PTPRT: variants seen among roughly 807,000 people sequenced by gnomAD.
PTPRT encodes receptor-type tyrosine-protein phosphatase T.
PTPRT carries 56 observed loss-of-function variants against 176.8 expected under a neutral mutation model. The ratio of observed to expected loss-of-function variants is 0.32; its 90% CI spans 0.26 to 0.40. The LOEUF is 0.40. Ranked by LOEUF, PTPRT falls within the 10% of genes least tolerant of loss-of-function variation. The pLI, the probability that PTPRT is intolerant of heterozygous loss-of-function variation, is 1.00. For synonymous variants in PTPRT, 783 were observed against 739.0 expected, an observed-to-expected ratio of 1.06 and a Z score of -0.96; for missense variants, 1,540 against 1,908.2, an observed-to-expected ratio of 0.81 and a Z score of 3.60.
chr20:42,729,032 TC>T (rs1207847805), intron 6 of PTPRT, among the ~76,000 whole-genome samples: 10 of 151,712 alleles, frequency 6.6e-5, no homozygotes, highest in Admixed American at 1.3e-4. Flanking sequence ...CACAGAACAA[TC>T]CATAGAGGGG....
intron 1 of PTPRT, among the ~76,000 whole-genome samples, chr20:42,898,241 C>A (rs1163661944): frequency 6.6e-6 from 1 of 152,148 alleles, no homozygotes; most frequent in Non-Finnish European, 1.5e-5. Flanking sequence ...CGGGGTCTTG[C>A]TCTGTCACCC....
chr20:42,866,000 T>G (rs1323218089), intron 2 of PTPRT, among the ~76,000 whole-genome samples: 1 of 152,172 alleles, frequency 6.6e-6, no homozygotes, highest in East Asian at 1.9e-4. Context: ...ACCCCTTTCC[T>G]AGCTTCCCAA....
chr20:42,591,642 T>C (rs1408857685), intron 7 of PTPRT, among the ~76,000 whole-genome samples: 4 of 152,166 alleles, frequency 2.6e-5, no homozygotes, highest in East Asian at 3.8e-4. Context: ...AGGTAATACA[T>C]TGACGCAGTG....
chr20:42,521,122 T>A (rs2072168162), intron 7 of PTPRT, among the ~76,000 whole-genome samples: 1 of 152,058 alleles, frequency 6.6e-6, no homozygotes, highest in Non-Finnish European at 1.5e-5. Flanking sequence ...GTGACCTACC[T>A]ACCTACCTAC....
At chr20:43,071,589 C>T (rs1022867461) in intron 1 of PTPRT, among the ~76,000 whole-genome samples, 10 of 151,942 alleles carry the variant, frequency 6.6e-5, no homozygotes, top group South Asian at 2.1e-4. Flanking sequence ...AGTTCGAGAC[C>T]GGCCTGACCA....
intron 2 of PTPRT, among the ~76,000 whole-genome samples, chr20:42,833,310 C>A (rs2078125164): frequency 6.6e-6 from 1 of 150,460 alleles, no homozygotes; most frequent in Non-Finnish European, 1.5e-5. Flanking sequence ...AAGGTTCATG[C>A]TTGTAAATGC....
At chr20:42,829,078 T>C (rs1397821021) in intron 2 of PTPRT, among the ~76,000 whole-genome samples, 1 of 152,158 alleles carries the variant, frequency 6.6e-6, no homozygotes, top group Non-Finnish European at 1.5e-5. Flanking sequence ...GGCTATACCA[T>C]GCAAAGCCAT....
At chr20:42,472,816 T>C (rs1288872321) in intron 7 of PTPRT, among the ~76,000 whole-genome samples, 1 of 152,210 alleles carries the variant, frequency 6.6e-6, no homozygotes, top group Non-Finnish European at 1.5e-5. Context: ...TAAATAAATG[T>C]TAACCATAAA....
At chr20:43,182,034 A>T (rs548524822) in intron 1 of PTPRT, among the ~76,000 whole-genome samples, 2 of 152,328 alleles carry the variant, frequency 1.3e-5, no homozygotes, top group South Asian at 2.1e-4. Context: ...TGATGATCCA[A>T]CATGAAGCAC....
chr20:42,416,176 A>G (rs1369772964), intron 9 of PTPRT, among the ~76,000 whole-genome samples: 2 of 152,178 alleles, frequency 1.3e-5, no homozygotes, highest in East Asian at 3.9e-4. Context: ...AATGGAGAAG[A>G]GGAAAGACAC....
intron 17 of PTPRT, among the ~76,000 whole-genome samples, chr20:42,143,037 G>A (rs1988698975): frequency 6.6e-6 from 1 of 152,196 alleles, no homozygotes; most frequent in Non-Finnish European, 1.5e-5. Flanking sequence ...TGTGAAGAGG[G>A]AAGTAGTGAT....
intron 12 of PTPRT, among the ~76,000 whole-genome samples, chr20:42,291,491 C>T (rs2057315856): frequency 6.6e-6 from 1 of 152,054 alleles, no homozygotes; most frequent in South Asian, 2.1e-4. Flanking sequence ...GTACAGTAAA[C>T]TAAATGAGGT....
intron 15 of PTPRT, among the ~76,000 whole-genome samples, chr20:42,204,390 T>C (rs2055398610): frequency 6.6e-6 from 1 of 152,198 alleles, no homozygotes; most frequent in South Asian, 2.1e-4. Flanking sequence ...CAAGTACTTA[T>C]GACTTTCTGA....
intron 2 of PTPRT, among the ~76,000 whole-genome samples, chr20:42,808,350 C>T (rs2077644342): frequency 6.6e-6 from 1 of 152,108 alleles, no homozygotes. Context: ...TCTGTCTGGG[C>T]ATTTTTGAGG....
chr20:42,522,361 A>T (rs2072191477), intron 7 of PTPRT, among the ~76,000 whole-genome samples: 1 of 151,838 alleles, frequency 6.6e-6, no homozygotes, highest in African/African-American at 2.4e-5. Flanking sequence ...GTTGTGTCTC[A>T]TATCATTTTC....
At chr20:42,503,696 G>A (rs1017660020) in intron 7 of PTPRT, among the ~76,000 whole-genome samples, 23 of 151,930 alleles carry the variant, frequency 1.5e-4, no homozygotes, top group African/African-American at 5.6e-4. Context: ...TATTAATTGT[G>A]TCATATAAAT....
At chr20:42,973,253 A>T (rs920155728) in intron 1 of PTPRT, among the ~76,000 whole-genome samples, 3 of 152,126 alleles carry the variant, frequency 2.0e-5, no homozygotes, top group Non-Finnish European at 2.9e-5. Flanking sequence ...TGCCATTTTG[A>T]TCTGGGAAAG....
chr20:42,735,166 T>G (rs548640424), intron 6 of PTPRT, among the ~76,000 whole-genome samples: 1 of 152,312 alleles, frequency 6.6e-6, no homozygotes, highest in African/African-American at 2.4e-5. Context: ...AAGGTTGGGT[T>G]GGATGAGACA....
At chr20:42,840,163 T>C (rs2078252150) in intron 2 of PTPRT, among the ~76,000 whole-genome samples, 1 of 152,156 alleles carries the variant, frequency 6.6e-6, no homozygotes, top group Non-Finnish European at 1.5e-5. Flanking sequence ...CGTGGTTTGC[T>C]GGTAATCCCT....
Sources: allele counts gnomAD v4.1 joint callset (sites outside exome capture counted in the v4.1 genomes callset), GRCh38; gene constraint gnomAD v4.1.1; transcripts MANE v1.5; gene names NCBI Gene and HGNC (gene_info 2026-07-23, HGNC 2026-07-21).